The following LINC00632 variants were observed in gnomAD, a reference collection of about 807,000 sequenced individuals.
LINC00632 encodes long independently transcribed non-coding RNA 632.
At chrX:140,723,440 T>TAC (rs1294940051) in intron 2 of LINC00632, among the ~76,000 whole-genome samples, 1 of 1,333 alleles carries the variant, frequency 7.5e-4, no homozygotes, top group African/African-American at 1.4e-3. Context: ...ATTCCATACA[T>TAC]ACACACACAT....
chrX:140,779,670 CATAA>C (rs1931909797), exon 5 of LINC00632, among the ~76,000 whole-genome samples: 1 of 111,843 alleles, frequency 8.9e-6, no homozygotes, highest in Non-Finnish European at 1.9e-5. Flanking sequence ...GTATCATTAG[CATAA>C]ATAACAAATA....
At chrX:140,773,335 A>T (rs1213833998) in exon 4 of LINC00632, among the ~76,000 whole-genome samples, 2 of 112,272 alleles carry the variant, frequency 1.8e-5, no homozygotes, top group African/African-American at 6.5e-5. Flanking sequence ...GATTGAGGAC[A>T]ATGGCAATTT....
intron 3 of LINC00632, among the ~76,000 whole-genome samples, chrX:140,740,027 A>G (rs1015989945): frequency 9.0e-6 from 1 of 111,723 alleles, no homozygotes; most frequent in African/African-American, 3.3e-5. Flanking sequence ...TTCATTATAC[A>G]TCTCCTCATA....
chrX:140,760,006 ATAC>A (rs768544653), intron 3 of LINC00632, among the ~76,000 whole-genome samples: 1 of 112,222 alleles, frequency 8.9e-6, no homozygotes, highest in Non-Finnish European at 1.9e-5. Context: ...AAATGAGACT[ATAC>A]TAGGCTGGTA....
chrX:140,772,128 C>G (rs1931809066), exon 4 of LINC00632: 2 of 295,098 alleles, frequency 6.8e-6, no homozygotes, highest in Non-Finnish European at 1.2e-5. Flanking sequence ...CTCCTGAGTT[C>G]CACGATCGCT....
At chrX:140,749,946 C>T (rs1331230971) in intron 3 of LINC00632, among the ~76,000 whole-genome samples, 1 of 110,866 alleles carries the variant, frequency 9.0e-6, no homozygotes, top group Non-Finnish European at 1.9e-5. Flanking sequence ...CTCCTGCTTT[C>T]GCCTCCTCAA....
intron 3 of LINC00632, among the ~76,000 whole-genome samples, chrX:140,771,672 T>C (rs1931798237): frequency 3.7e-5 from 1 of 27,083 alleles, no homozygotes; most frequent in Non-Finnish European, 6.7e-5. Context: ...TGTGTATATA[T>C]ATATATATAT....
At chrX:140,790,344 T>C (rs970809978) in exon 5 of LINC00632, among the ~76,000 whole-genome samples, 5 of 111,529 alleles carry the variant, frequency 4.5e-5, no homozygotes, top group Non-Finnish European at 9.4e-5. Flanking sequence ...ATTTCCATAC[T>C]GATTTGGAAT....
intron 3 of LINC00632, among the ~76,000 whole-genome samples, chrX:140,767,587 CTT>C (rs1931713042): frequency 8.9e-6 from 1 of 111,971 alleles, no homozygotes; most frequent in Non-Finnish European, 1.9e-5. Context: ...ATGAAGCACT[CTT>C]TGTCTCTTAC....
intron 3 of LINC00632, among the ~76,000 whole-genome samples, chrX:140,738,762 C>A (rs1308257500): frequency 1.8e-5 from 2 of 112,061 alleles, no homozygotes; most frequent in Non-Finnish European, 3.8e-5. Context: ...GTACATTTCA[C>A]TAAAATTAAT....
exon 4 of LINC00632, among the ~76,000 whole-genome samples, chrX:140,773,915 T>C (rs955475083): frequency 2.7e-5 from 3 of 112,440 alleles, no homozygotes; most frequent in South Asian, 3.6e-4. Context: ...TTTGTAATGC[T>C]TTAACAGGTG....
chrX:140,730,372 C>T (rs1931038567), intron 2 of LINC00632, among the ~76,000 whole-genome samples: 1 of 110,643 alleles, frequency 9.0e-6, no homozygotes, highest in Non-Finnish European at 1.9e-5. Context: ...TATTCCAAAA[C>T]ACATAGAACC....
chrX:140,740,739 C>T (rs1388402871), intron 3 of LINC00632, among the ~76,000 whole-genome samples: 2 of 111,422 alleles, frequency 1.8e-5, no homozygotes, highest in Non-Finnish European at 3.8e-5. Flanking sequence ...GCTCTGCTGT[C>T]ACTGTCTTGA....
At chrX:140,731,617 G>A (rs1931056589) in intron 2 of LINC00632, among the ~76,000 whole-genome samples, 1 of 112,012 alleles carries the variant, frequency 8.9e-6, no homozygotes, top group African/African-American at 3.2e-5. Flanking sequence ...TAACAAGCAA[G>A]AATGTACAGG....
In LINC00632 at chrX:140,755,318, ACT is replaced by A. The variant is rs779869184; in HGVS notation, n.192-16757_192-16756del. On this transcript the variant is annotated intron_variant and non_coding_transcript_variant, in intron 3 of 4. Transcript: ENST00000648200. ...TCCTGTGTGTCCACAGTGCCTTAAA[ACT>A]CTACCAATCCTCTGCCCAAGGTTTT... Among the ~76,000 whole-genome samples, 458 of 111,154 alleles carry A rather than the reference ACT, an allele frequency of 4.1e-3. 3 individuals are homozygous for A. Among genetic ancestry groups the A allele is most frequent in the African/African-American group, 0.014 (439 of 30,545 alleles).
At chrX:140,733,924 T>G (rs1447111841) in exon 3 of LINC00632, 1 of 111,854 alleles carries the variant, frequency 8.9e-6, no homozygotes, top group Non-Finnish European at 1.9e-5. Context: ...GGAAGAGGGC[T>G]TCGTGCCCTG....
At chrX:140,774,478 C>T (rs1417939812) in exon 5 of LINC00632, among the ~76,000 whole-genome samples, 1 of 111,652 alleles carries the variant, frequency 9.0e-6, no homozygotes, top group Non-Finnish European at 1.9e-5. Flanking sequence ...AGAAACGCCG[C>T]ACACAGATAG....
At chrX:140,762,562 C>T (rs1931619193) in intron 3 of LINC00632, among the ~76,000 whole-genome samples, 1 of 112,205 alleles carries the variant, frequency 8.9e-6, no homozygotes, top group Admixed American at 9.5e-5. Flanking sequence ...TTTGTAACAC[C>T]ACTTTATAGG....
chrX:140,713,467 G>A (rs1930559725), intron 2 of LINC00632: 1 of 324,197 alleles, frequency 3.1e-6, no homozygotes, highest in African/African-American at 2.7e-5. Context: ...TTAGAACAGT[G>A]TCTGGCACAT....
Sources: allele counts gnomAD v4.1 joint callset (sites outside exome capture counted in the v4.1 genomes callset), GRCh38; gene constraint gnomAD v4.1.1; transcripts MANE v1.5; gene names NCBI Gene and HGNC (gene_info 2026-07-23, HGNC 2026-07-21).